The following MAF variants were observed in gnomAD, a reference collection of about 807,000 sequenced individuals.
The protein encoded by MAF is MAF bZIP transcription factor.
A neutral mutation model predicts 22.0 loss-of-function variants in MAF; 10 were observed. The ratio of observed to expected loss-of-function variants is 0.45; its 90% CI spans 0.28 to 0.77. MAF has a LOEUF of 0.77. Among genes scored for constraint, MAF ranks in the 30% least tolerant of loss-of-function variants. The pLI, the probability that MAF is intolerant of heterozygous loss-of-function variation, is 0.12. For missense variants in MAF, 544 were observed against 548.4 expected, an observed-to-expected ratio of 0.99 and a Z score of 0.08; for synonymous variants, 337 against 255.8, an observed-to-expected ratio of 1.32 and a Z score of -3.03.
chr16:79,562,072 C>T, the MAF span, among the ~76,000 whole-genome samples: 27 of 152,274 alleles, frequency 1.8e-4, no homozygotes, highest in African/African-American at 6.3e-4. Flanking sequence ...TAACACATTC[C>T]TTGCTCTACT....
At position 79,598,589 on chromosome 16, in the gene MAF, TGTGTGTGTGTGTGTGTGTGTG is replaced by T. The variant is rs2143793332; in HGVS notation, c.1118+175_1118+195del. On this transcript the variant is annotated intron_variant, in intron 1 of 1. Coordinates refer to ENST00000326043, the MANE Select transcript of MAF (RefSeq NM_005360.5). ...ACTCGAGCAGGGTGTGGGGTGTGTG[TGTGTGTGTGTGTGTGTGTGTG>T]GTGTGTGCGTGCGGGTTTGTGTGTG... 6.3e-6 allele frequency: 9 copies of T among 1,433,772 alleles called. No individual in the cohort carries two copies. The South Asian group carries it at 1.2e-4, about 20-fold the overall frequency. 88.8% of individuals were successfully genotyped at this position (1,433,772 alleles called of 1,614,324 possible).
At chr16:79,588,809 C>T (rs533719531) in intron 1 of MAF, among the ~76,000 whole-genome samples, 1 of 151,176 alleles carries the variant, frequency 6.6e-6, no homozygotes, top group Non-Finnish European at 1.5e-5. Context: ...GTTAAAGGGT[C>T]CCAGGAAAAA....
chr16:79,494,853 G>A, the MAF span, among the ~76,000 whole-genome samples: 1 of 152,172 alleles, frequency 6.6e-6, no homozygotes, highest in Non-Finnish European at 1.5e-5. Flanking sequence ...TAAATTGGGG[G>A]TTCCCAAGAC....
the MAF span, among the ~76,000 whole-genome samples, chr16:79,432,695 C>A: frequency 6.6e-6 from 1 of 152,090 alleles, no homozygotes; most frequent in South Asian, 2.1e-4. Context: ...AGTAGGATGG[C>A]CCCTAATCCA....
chr16:79,222,026 A>G, the MAF span, among the ~76,000 whole-genome samples: 1 of 152,164 alleles, frequency 6.6e-6, no homozygotes, highest in Non-Finnish European at 1.5e-5. Flanking sequence ...GATCAATTTA[A>G]ATGTCTAACA....
chr16:79,556,889 G>C, the MAF span, among the ~76,000 whole-genome samples: 1 of 152,144 alleles, frequency 6.6e-6, no homozygotes, highest in Admixed American at 6.5e-5. Context: ...ATAGTGCTTG[G>C]TATGAGAAAT....
the MAF span, among the ~76,000 whole-genome samples, chr16:79,564,779 G>A: frequency 6.6e-6 from 1 of 152,188 alleles, no homozygotes; most frequent in Admixed American, 6.5e-5. Flanking sequence ...GTCCAAACCT[G>A]TAATGGTTAA....
At chr16:79,206,798 T>A in the MAF span, 2 of 152,180 alleles carry the variant, frequency 1.3e-5, no homozygotes, top group Non-Finnish European at 2.9e-5. Context: ...ACTGGTGTGG[T>A]CACCTAGCCA....
At chr16:79,443,881 C>T in the MAF span, among the ~76,000 whole-genome samples, 2 of 151,344 alleles carry the variant, frequency 1.3e-5, no homozygotes, top group Admixed American at 1.3e-4. Flanking sequence ...CGGAATATGT[C>T]CCGCAAATGG....
chr16:79,310,681 C>A, the MAF span, among the ~76,000 whole-genome samples: 3 of 152,166 alleles, frequency 2.0e-5, no homozygotes, highest in African/African-American at 7.2e-5. Context: ...GGGGGCTCGC[C>A]TTGGTGAATT....
chr16:79,293,994 G>A, the MAF span, among the ~76,000 whole-genome samples: 7 of 152,298 alleles, frequency 4.6e-5, no homozygotes, highest in African/African-American at 1.4e-4. Flanking sequence ...TTTCCCCACA[G>A]ATTTGCTGTA....
chr16:79,328,666 C>A, the MAF span, among the ~76,000 whole-genome samples: 1 of 152,128 alleles, frequency 6.6e-6, no homozygotes, highest in East Asian at 1.9e-4. Flanking sequence ...ATTTGGGAGT[C>A]TTTCATTTGG....
the MAF span, among the ~76,000 whole-genome samples, chr16:79,214,838 G>A: frequency 2.7e-5 from 4 of 146,488 alleles, no homozygotes; most frequent in Non-Finnish European, 4.5e-5. Flanking sequence ...ATCCTTCAGA[G>A]TAGCTGGGAT....
the MAF span, among the ~76,000 whole-genome samples, chr16:79,218,347 G>T: frequency 1.8e-4 from 27 of 151,906 alleles, 1 homozygote; most frequent in African/African-American, 6.5e-4. Context: ...CCCTACTGTG[G>T]GACATTTAGG....
chr16:79,513,987 C>G, the MAF span, among the ~76,000 whole-genome samples: 4 of 152,142 alleles, frequency 2.6e-5, no homozygotes, highest in African/African-American at 7.2e-5. Context: ...ACCTTCCCCC[C>G]ACCCTTCCCC....
At chr16:79,216,437 T>C in the MAF span, among the ~76,000 whole-genome samples, 1 of 152,230 alleles carries the variant, frequency 6.6e-6, no homozygotes, top group Non-Finnish European at 1.5e-5. Flanking sequence ...TTTACGATGA[T>C]GTAAAAGTGA....
At chr16:79,457,475 A>G in the MAF span, among the ~76,000 whole-genome samples, 1 of 152,078 alleles carries the variant, frequency 6.6e-6, no homozygotes, top group South Asian at 2.1e-4. Context: ...AAAAGTGTCA[A>G]GAGCAATACT....
chr16:79,464,707 T>C, the MAF span, among the ~76,000 whole-genome samples: 2 of 152,136 alleles, frequency 1.3e-5, no homozygotes, highest in African/African-American at 4.8e-5. Context: ...AGCTACACCA[T>C]GGGTCAGAGG....
At chr16:79,212,016 C>A in the MAF span, 1 of 1,536,236 alleles carries the variant, frequency 6.5e-7, no homozygotes, top group Non-Finnish European at 8.7e-7. Flanking sequence ...AGGCATAGGT[C>A]TCTTTGCTTT....
Sources: gnomAD v4.1 joint callset for allele counts (sites outside exome capture counted in the v4.1 genomes callset) on GRCh38, gnomAD v4.1.1 for gene constraint, MANE v1.5 for transcripts, NCBI Gene and HGNC (gene_info 2026-07-23, HGNC 2026-07-21) for gene names.